RECK: variants seen among roughly 807,000 people sequenced by gnomAD.
The protein encoded by RECK is reversion-inducing cysteine-rich protein with Kazal motifs.
A neutral mutation model predicts 115.1 loss-of-function variants in RECK; 69 were observed. The ratio of observed to expected loss-of-function variants is 0.60; its 90% CI spans 0.49 to 0.73. RECK has a LOEUF of 0.73. Ranked by LOEUF, RECK falls within the 30% of genes least tolerant of loss-of-function variation. The pLI is 0.00. For synonymous variants in RECK, 414 were observed against 419.7 expected, an observed-to-expected ratio of 0.99 and a Z score of 0.17; for missense variants, 1,047 against 1,203.7, an observed-to-expected ratio of 0.87 and a Z score of 1.93.
intron 5 of RECK, 65 bp downstream of exon 5, chr9:36,063,945 T>TC (rs1821888749): frequency 6.7e-7 from 1 of 1,490,100 alleles, no homozygotes; most frequent in African/African-American, 1.4e-5. Context: ...TGTGCACATG[T>TC]CTTGGGCCTT....
At chr9:36,058,982 T>G in intron 3 of RECK, 81 bp downstream of exon 3, 2 of 917,788 alleles carry the variant, frequency 2.2e-6, no homozygotes, top group Admixed American at 5.9e-5. Context: ...GTTAGCAAAT[T>G]TTTAAATGTG....
At chr9:36,041,871 A>G (rs1820880455) in intron 1 of RECK, among the ~76,000 whole-genome samples, 2 of 149,246 alleles carry the variant, frequency 1.3e-5, no homozygotes, top group African/African-American at 2.5e-5. Context: ...GCCCACCACC[A>G]ACTGGCTGCC....
Position 36,105,162 on chromosome 9 carries a change from C to T in RECK, c.1455C>T (p.Asn485=). Reference sequence around the variant, plus strand: ...TTTCAGGGCCAAGTACTTTAGGTAACATTGTAGAAGAAGTGACTCATCCCT... The same window carrying T: ...TTTCAGGGCCAAGTACTTTAGGTAATATTGTAGAAGAAGTGACTCATCCCT... ...DTYLRPSTLG[N]IVEEVTHPCN... is the part of the protein sequence containing the mutation. Residue 485 remains asparagine (N), a synonymous_variant, in exon 13 of 21, where the codon AAC becomes AAT. Coordinates refer to ENST00000377966, the MANE Select transcript of RECK (RefSeq NM_021111.3). The T allele has an allele frequency of 5.6e-6, 9 of 1,613,950 alleles. No individual in the cohort carries two copies. The highest frequency in any genetic ancestry group is 7.6e-6 in the Non-Finnish European group (9 of 1,179,950).
rs1381643724 is a variant in RECK at position 36,123,133 on chromosome 9, T to C, written c.*88T>C. On this transcript the variant is annotated 3_prime_UTR_variant, in exon 21 of 21. Transcript: ENST00000377966. ...GGACTGCTGGTTTGTAGTTGAATAT[T>C]GGCCAAGGAAAGGCACATGTCACCT... The C allele has an allele frequency of 1.9e-6, 2 of 1,079,100 alleles. No homozygotes were observed. Among genetic ancestry groups the C allele is most frequent in the Non-Finnish European group, 2.7e-6 (2 of 743,942 alleles). The allele number at this position is 1,079,100 out of a possible 1,614,324, so 66.8% of individuals were successfully genotyped here. A position where few individuals can be genotyped will look rare whatever the true frequency, so the allele number is the denominator to read the frequency against.
At chr9:36,055,159 T>C (rs936093868) in intron 2 of RECK, among the ~76,000 whole-genome samples, 2 of 152,186 alleles carry the variant, frequency 1.3e-5, no homozygotes, top group African/African-American at 2.4e-5. Flanking sequence ...TATATTCTAG[T>C]ATGTATTCTG....
Position 36,109,646 on chromosome 9 carries a change from C to G in RECK, c.1766-311C>G, listed in dbSNP as rs1823956398. On this transcript the variant is annotated intron_variant, in intron 14 of 20. Coordinates refer to ENST00000377966, the MANE Select transcript of RECK (RefSeq NM_021111.3). ...ATGGCATGAGCCTAGGCATTCAAGA[C>G]CAGCCTGGACAACATGGTGAAACCC... Among the ~76,000 whole-genome samples the G allele has an allele frequency of 2.6e-5, 4 of 152,140 alleles. No homozygotes were observed. In the South Asian group the frequency reaches 8.3e-4, roughly 31 times the overall value.
At chr9:36,097,618 G>A (rs1422924856) in intron 10 of RECK, among the ~76,000 whole-genome samples, 2 of 152,102 alleles carry the variant, frequency 1.3e-5, no homozygotes, top group Non-Finnish European at 2.9e-5. Context: ...AAACAGTATG[G>A]GGGGTCCTCA....
intron 1 of RECK, 116 bp downstream of exon 1, chr9:36,037,214 C>T (rs1030371706): frequency 3.3e-6 from 2 of 604,592 alleles, no homozygotes; most frequent in Non-Finnish European, 4.7e-6. Context: ...TGCCCACGTC[C>T]GGCGACCCCG....
chr9:36,050,391 T>TCCA (rs1417517683), intron 1 of RECK, among the ~76,000 whole-genome samples: 2 of 152,124 alleles, frequency 1.3e-5, no homozygotes. Flanking sequence ...TCACTTCCAA[T>TCCA]CCATTAGCAT....
At chr9:36,047,388 C>T (rs909597209) in intron 1 of RECK, among the ~76,000 whole-genome samples, 2 of 152,096 alleles carry the variant, frequency 1.3e-5, no homozygotes, top group Non-Finnish European at 2.9e-5. Flanking sequence ...GTGGGCGGAT[C>T]ACTTGAGGCC....
intron 6 of RECK, among the ~76,000 whole-genome samples, chr9:36,071,734 T>G (rs1822237834): frequency 6.6e-6 from 1 of 152,192 alleles, no homozygotes. Context: ...TTTTTTTTAG[T>G]CTTAAGGCAG....
intron 1 of RECK, among the ~76,000 whole-genome samples, chr9:36,046,528 G>A (rs866756447): frequency 2.0e-5 from 3 of 152,158 alleles, no homozygotes; most frequent in Non-Finnish European, 2.9e-5. Flanking sequence ...AAAATGTGAC[G>A]GAGCAGAGGT....
intron 2 of RECK, among the ~76,000 whole-genome samples, chr9:36,056,508 G>T (rs529356976): frequency 4.1e-4 from 63 of 151,936 alleles, no homozygotes; most frequent in Non-Finnish European, 7.9e-4. Flanking sequence ...CATCCCCCTG[G>T]TGTCGTTTAA....
At chr9:36,078,961 T>C (rs1381446941) in intron 6 of RECK, among the ~76,000 whole-genome samples, 1 of 152,182 alleles carries the variant, frequency 6.6e-6, no homozygotes, top group Non-Finnish European at 1.5e-5. Flanking sequence ...AGTGGCATGA[T>C]CTCGGCTCAC....
Position 36,118,771 on chromosome 9 carries a change from A to G in RECK, c.2268A>G (p.Ala756=). ...TTTGCCCTCAGCCCTTTTGCAGAGC[A>G]ACCGAGCCCGTATGTGGGCACAATG... The part of the protein sequence containing the change: ...YKGPCQPFCR[A]TEPVCGHNGE... The change falls in exon 18 of 21, where the codon GCA becomes GCG. Residue 756 remains alanine, a synonymous_variant. Coordinates refer to ENST00000377966, the MANE Select transcript of RECK (RefSeq NM_021111.3). 1 of 1,613,974 alleles carries G rather than the reference A, an allele frequency of 6.2e-7. No homozygotes were observed. Among genetic ancestry groups the G allele is most frequent in the South Asian group, 1.1e-5 (1 of 91,082 alleles).
chr9:36,117,772 G>A (rs1824316803), intron 17 of RECK, among the ~76,000 whole-genome samples: 1 of 152,168 alleles, frequency 6.6e-6, no homozygotes, highest in African/African-American at 2.4e-5. Flanking sequence ...ACAAGGTCAG[G>A]AGTTCAAGAT....
intron 20 of RECK, among the ~76,000 whole-genome samples, chr9:36,122,223 A>C (rs998067162): frequency 6.6e-6 from 1 of 152,230 alleles, no homozygotes; most frequent in African/African-American, 2.4e-5. Context: ...AAAGGCAGTG[A>C]GGGCTCAAGG....
intron 6 of RECK, 92 bp from the exon 7 acceptor site, chr9:36,080,513 A>G (rs1822643143): frequency 9.8e-7 from 1 of 1,017,680 alleles, no homozygotes; most frequent in African/African-American, 1.6e-5. Context: ...TAGTTTTAAT[A>G]TCATGATTTC....
rs1055373566 is a variant in RECK, at chr9:36,109,230, G to A, written c.1766-727G>A. The stretch of plus-strand genomic sequence containing the variant: ...ACTAGTGCCTTATGGAGCTGAAACC[G>A]GGACGGGGGATGAGATCATGCTTTA... On this transcript the variant is annotated intron_variant, in intron 14 of 20. Transcript: ENST00000377966. 2.0e-5 allele frequency among the ~76,000 whole-genome samples: 3 copies of A among 152,250 alleles called. No individual in the cohort carries two copies. The South Asian group carries it at 6.2e-4, about 32-fold the overall frequency.
Sources: allele counts gnomAD v4.1 joint callset (sites outside exome capture counted in the v4.1 genomes callset), GRCh38; gene constraint gnomAD v4.1.1; transcripts MANE v1.5; gene names NCBI Gene and HGNC (gene_info 2026-07-23, HGNC 2026-07-21).